TEX11: variants seen among roughly 807,000 people sequenced by gnomAD.
TEX11 encodes testis-expressed protein 11.
Under a neutral mutation model 84.4 loss-of-function variants are expected in TEX11, and 7 were observed. That is an observed-to-expected ratio of 0.08 (90% CI 0.05 to 0.16). The LOEUF is 0.16. Among genes scored for constraint, TEX11 ranks in the 10% least tolerant of loss-of-function variants. The pLI is 1.00. For missense variants in TEX11, 551 were observed against 660.5 expected (o/e 0.83, Z 1.82); for synonymous variants, 264 against 222.8 (o/e 1.18, Z -1.64).
At chrX:70,715,458 A>G (rs1029605312) in intron 13 of TEX11, among the ~76,000 whole-genome samples, 1 of 111,733 alleles carries the variant, frequency 8.9e-6, no homozygotes, top group African/African-American at 3.3e-5. Flanking sequence ...CTTTTCATAT[A>G]GTCCCATATT....
At position 70,861,915 on chromosome X, in the gene TEX11, C is replaced by A. The variant is rs373775544; in HGVS notation, c.245-979G>T. ...ATTCAATTGATCTAAAGCTGTTCAA[C>A]ATCTGACAAAATCTCTGGACATCAG... On this transcript the variant is annotated intron_variant, in intron 4 of 29. Coordinates refer to ENST00000374333, the MANE Select transcript of TEX11 (RefSeq NM_031276.3). 3.3e-4 allele frequency among the ~76,000 whole-genome samples: 37 copies of A among 112,048 alleles called. 2 individuals are homozygous for A. The highest frequency in any genetic ancestry group is 2.6e-3 in the Admixed American group (27 of 10,472).
chrX:70,613,523 G>A (rs920724786), intron 20 of TEX11, among the ~76,000 whole-genome samples: 1 of 112,044 alleles, frequency 8.9e-6, no homozygotes, highest in Non-Finnish European at 1.9e-5. Context: ...TAGCAAGTGG[G>A]GAATCTCCCA....
chrX:70,846,745 G>A (rs751914080), intron 7 of TEX11, among the ~76,000 whole-genome samples: 9 of 111,456 alleles, frequency 8.1e-5, no homozygotes, highest in East Asian at 5.6e-4. Flanking sequence ...CCAACATGGC[G>A]AAACCCTGTC....
At chrX:70,818,313 A>AAG (rs2091300661) in intron 8 of TEX11, among the ~76,000 whole-genome samples, 2 of 104,442 alleles carry the variant, frequency 1.9e-5, no homozygotes, top group South Asian at 4.6e-4. Context: ...AAAAAAAGAA[A>AAG]AAGAAGAAGA....
intron 11 of TEX11, among the ~76,000 whole-genome samples, chrX:70,735,007 C>T (rs1412133289): frequency 1.8e-5 from 2 of 111,490 alleles, no homozygotes; most frequent in East Asian, 2.8e-4. Context: ...ACAAAAGGCA[C>T]GCAGATTGGA....
chrX:70,888,174 T>C (rs1602212340), intron 2 of TEX11, among the ~76,000 whole-genome samples: 1 of 112,027 alleles, frequency 8.9e-6, no homozygotes, highest in African/African-American at 3.2e-5. Flanking sequence ...CCAAAGAACA[T>C]CTACTAGCAT....
intron 2 of TEX11, among the ~76,000 whole-genome samples, chrX:70,895,660 G>A (rs913433910): frequency 9.0e-6 from 1 of 111,690 alleles, no homozygotes; most frequent in African/African-American, 3.3e-5. Context: ...CATGGTACTG[G>A]TACCAAAACA....
intron 18 of TEX11, among the ~76,000 whole-genome samples, 200 bp downstream of exon 18, chrX:70,629,411 C>T (rs1028345524): frequency 9.0e-6 from 1 of 111,607 alleles, no homozygotes; most frequent in Non-Finnish European, 1.9e-5. Context: ...ACTCTGTTAC[C>T]TCACTGTTTC....
At chrX:70,711,323 C>T (rs182668615) in intron 13 of TEX11, among the ~76,000 whole-genome samples, 5,958 of 110,500 alleles carry the variant, frequency 0.054, 353 homozygotes, top group African/African-American at 0.16. Flanking sequence ...ATGGCTGGGT[C>T]AAATGGTATT....
intron 10 of TEX11, among the ~76,000 whole-genome samples, chrX:70,742,716 CT>C (rs2090741593): frequency 1.8e-5 from 2 of 109,956 alleles, no homozygotes; most frequent in Non-Finnish European, 3.8e-5. Flanking sequence ...TGACAAGACC[CT>C]GTCTCAAAAA....
intron 9 of TEX11, among the ~76,000 whole-genome samples, chrX:70,793,532 C>T (rs961639240): frequency 9.0e-6 from 1 of 111,468 alleles, no homozygotes; most frequent in African/African-American, 3.3e-5. Context: ...CCCACCCTCA[C>T]TCTCTTTCTT....
chrX:70,597,406 A>G (rs73542412), intron 24 of TEX11, among the ~76,000 whole-genome samples: 9,274 of 111,760 alleles, frequency 0.083, 851 homozygotes, highest in African/African-American at 0.26. Context: ...TTATCAAGGC[A>G]ATGTGGTATT....
chrX:70,894,564 T>G (rs2091757082), intron 2 of TEX11, among the ~76,000 whole-genome samples: 1 of 109,339 alleles, frequency 9.1e-6, no homozygotes, highest in East Asian at 2.9e-4. Context: ...AGGAAGAGGT[T>G]GCAGTGAGCC....
At chrX:70,797,693 T>C (rs1331338335) in intron 9 of TEX11, among the ~76,000 whole-genome samples, 1 of 105,905 alleles carries the variant, frequency 9.4e-6, no homozygotes, top group Non-Finnish European at 1.9e-5. Context: ...GTGGGGGTGG[T>C]TCAGCATATA....
chrX:70,569,818 T>TG (rs2088562399), intron 25 of TEX11, among the ~76,000 whole-genome samples: 1 of 110,993 alleles, frequency 9.0e-6, no homozygotes, highest in Non-Finnish European at 1.9e-5. Flanking sequence ...CTGCCCCTAC[T>TG]GGGGGGTGCC....
intron 24 of TEX11, among the ~76,000 whole-genome samples, chrX:70,595,596 G>A (rs1455290499): frequency 1.8e-5 from 2 of 111,019 alleles, no homozygotes; most frequent in Admixed American, 9.7e-5. Flanking sequence ...GATCTATATT[G>A]TAAGCCCCAG....
At chrX:70,639,653 G>GCAC (rs2089625611) in intron 17 of TEX11, among the ~76,000 whole-genome samples, 1 of 111,292 alleles carries the variant, frequency 9.0e-6, no homozygotes, top group Non-Finnish European at 1.9e-5. Context: ...CCTCCAGCAG[G>GCAC]GGCAGACTGA....
At chrX:70,815,558 T>C (rs1481659608) in intron 8 of TEX11, among the ~76,000 whole-genome samples, 1 of 111,850 alleles carries the variant, frequency 8.9e-6, no homozygotes, top group Non-Finnish European at 1.9e-5. Context: ...ATTATTCTAT[T>C]TTATTAGTAG....
intron 2 of TEX11, among the ~76,000 whole-genome samples, chrX:70,883,138 A>G (rs958613188): frequency 9.0e-6 from 1 of 111,506 alleles, no homozygotes; most frequent in Admixed American, 9.6e-5. Flanking sequence ...AATAAATTCT[A>G]TTTTTTGTTT....
Sources: gnomAD v4.1 joint callset for allele counts (sites outside exome capture counted in the v4.1 genomes callset) on GRCh38, gnomAD v4.1.1 for gene constraint, MANE v1.5 for transcripts, NCBI Gene and HGNC (gene_info 2026-07-23, HGNC 2026-07-21) for gene names.